CACNA1E: variants seen among roughly 807,000 people sequenced by gnomAD.
CACNA1E encodes voltage-dependent R-type calcium channel subunit alpha-1E.
A neutral mutation model predicts 259.2 loss-of-function variants in CACNA1E; 40 were observed. The ratio of observed to expected loss-of-function variants is 0.15; its 90% CI spans 0.12 to 0.20. The LOEUF is 0.20. CACNA1E is among the 10% of genes least tolerant of loss of function. The pLI is 1.00. For missense variants in CACNA1E, 1,874 were observed against 3,040.1 expected (o/e 0.62, Z 9.02); for synonymous variants, 1,104 against 1,138.5 (o/e 0.97, Z 0.61).
At chr1:181,743,952 G>A (rs1035404112) in intron 25 of CACNA1E, among the ~76,000 whole-genome samples, 11 of 152,342 alleles carry the variant, frequency 7.2e-5, no homozygotes, top group African/African-American at 2.6e-4. Context: ...AGGCTCTCTG[G>A]CGGCTGACGC....
chr1:181,496,915 A>G (rs193044902), intron 1 of CACNA1E, among the ~76,000 whole-genome samples: 155 of 152,284 alleles, frequency 1.0e-3, no homozygotes, highest in Non-Finnish European at 1.6e-3. Context: ...GTGTTCTTCT[A>G]GTCTGTTGAT....
intron 3 of CACNA1E, among the ~76,000 whole-genome samples, chr1:181,568,911 C>CAA (rs1558136611): frequency 3.9e-5 from 6 of 152,140 alleles, no homozygotes; most frequent in African/African-American, 1.4e-4. Flanking sequence ...TGGCCCTCTT[C>CAA]GGACTCCTTA....
intron 1 of CACNA1E, among the ~76,000 whole-genome samples, chr1:181,398,289 C>T (rs1055277750): frequency 6.6e-6 from 1 of 152,134 alleles, no homozygotes; most frequent in Non-Finnish European, 1.5e-5. Flanking sequence ...ACAAACAAGG[C>T]AAAACAAAAT....
intron 1 of CACNA1E, among the ~76,000 whole-genome samples, chr1:181,381,940 C>T (rs1435015098): frequency 6.6e-6 from 1 of 152,084 alleles, no homozygotes; most frequent in Non-Finnish European, 1.5e-5. Flanking sequence ...ACTACAGCTG[C>T]AGAGAGGTGA....
At chr1:181,319,757 T>C (rs560731987) in intron 1 of CACNA1E, among the ~76,000 whole-genome samples, 2 of 152,326 alleles carry the variant, frequency 1.3e-5, no homozygotes, top group South Asian at 4.1e-4. Flanking sequence ...TGACTGTATT[T>C]ATGCTAGGTT....
chr1:181,745,775 G>C (rs1558338050), intron 25 of CACNA1E, among the ~76,000 whole-genome samples: 1 of 152,272 alleles, frequency 6.6e-6, no homozygotes, highest in Middle Eastern at 3.4e-3. Context: ...AGCAGATGAG[G>C]TGTCTTTGGG....
intron 6 of CACNA1E, among the ~76,000 whole-genome samples, chr1:181,641,888 ATT>A (rs1657816141): frequency 6.6e-6 from 1 of 151,282 alleles, no homozygotes; most frequent in Non-Finnish European, 1.5e-5. Flanking sequence ...TAATTTTTGT[ATT>A]TTTAGTAGAG....
At chr1:181,564,383 C>G (rs1249584992) in intron 3 of CACNA1E, among the ~76,000 whole-genome samples, 1 of 152,172 alleles carries the variant, frequency 6.6e-6, no homozygotes, top group Non-Finnish European at 1.5e-5. Context: ...AAACTACTTT[C>G]TTTGCTTATT....
chr1:181,568,509 G>T (rs1650072324), intron 3 of CACNA1E, among the ~76,000 whole-genome samples: 1 of 152,154 alleles, frequency 6.6e-6, no homozygotes, highest in Non-Finnish European at 1.5e-5. Flanking sequence ...TTTGAACACT[G>T]CCAGGCTTGG....
rs767612355 is a variant in CACNA1E at position 181,772,234 on chromosome 1, G to A, written c.5139+3G>A. 1 of 1,612,362 alleles carries A rather than the reference G, an allele frequency of 6.2e-7. No homozygotes were observed. The highest frequency in any genetic ancestry group is 8.5e-7 in the Non-Finnish European group (1 of 1,178,986). ...TCATCTTCTTCTGCTCCTTCTTGGTGAGCAACATTGTGCTTTTGCCTTGCT... is the reference window on the plus strand; with the variant it reads ...TCATCTTCTTCTGCTCCTTCTTGGTAAGCAACATTGTGCTTTTGCCTTGCT... On this transcript the variant is annotated splice_donor_region_variant and intron_variant, in intron 37 of 47. Transcript: ENST00000367573.
At chr1:181,770,313 G>C (rs778150474) in intron 35 of CACNA1E, among the ~76,000 whole-genome samples, 5 of 152,196 alleles carry the variant, frequency 3.3e-5, no homozygotes, top group African/African-American at 4.8e-5. Context: ...GTTGGGGAAG[G>C]AGGGTGCATG....
chr1:181,582,720 G>A (rs950587679), intron 6 of CACNA1E, among the ~76,000 whole-genome samples: 2 of 152,012 alleles, frequency 1.3e-5, no homozygotes, highest in Non-Finnish European at 2.9e-5. Context: ...ACTGTCCTAG[G>A]CACTAGGGAA....
chr1:181,352,598 C>G (rs560712847), intron 1 of CACNA1E, among the ~76,000 whole-genome samples: 1 of 152,318 alleles, frequency 6.6e-6, no homozygotes, highest in East Asian at 1.9e-4. Flanking sequence ...GCATTGGTCT[C>G]TCTCTTCACC....
At chr1:181,524,324 A>G (rs1667198932) in intron 3 of CACNA1E, among the ~76,000 whole-genome samples, 1 of 152,212 alleles carries the variant, frequency 6.6e-6, no homozygotes, top group African/African-American at 2.4e-5. Flanking sequence ...AGAGCAATCT[A>G]ATTGGAATAG....
At chr1:181,795,788 T>TATATATATATATATATATATATATATATA (rs1661754913) in intron 46 of CACNA1E, among the ~76,000 whole-genome samples, 1 of 83,382 alleles carries the variant, frequency 1.2e-5, no homozygotes, top group African/African-American at 4.5e-5. Flanking sequence ...ATATATATAT[T>TATATATATATATATATATATATATATATA]AGTCTGGCTC....
intron 2 of CACNA1E, among the ~76,000 whole-genome samples, chr1:181,425,468 G>A (rs949912062): frequency 6.6e-6 from 1 of 151,390 alleles, no homozygotes. Flanking sequence ...AACATAATTG[G>A]AGGAATTCGC....
intron 7 of CACNA1E, among the ~76,000 whole-genome samples, chr1:181,688,520 C>A (rs1650810902): frequency 6.6e-6 from 1 of 152,136 alleles, no homozygotes; most frequent in African/African-American, 2.4e-5. Flanking sequence ...TTCCCCTATC[C>A]TTTTTAAGTT....
intron 32 of CACNA1E, among the ~76,000 whole-genome samples, chr1:181,760,559 G>T (rs1464836542): frequency 6.6e-6 from 1 of 152,148 alleles, no homozygotes; most frequent in African/African-American, 2.4e-5. Context: ...GAATAAAAAG[G>T]GAAGGGAAAA....
At chr1:181,425,848 T>C (rs1181020445) in intron 2 of CACNA1E, among the ~76,000 whole-genome samples, 3 of 152,040 alleles carry the variant, frequency 2.0e-5, no homozygotes, top group African/African-American at 7.3e-5. Flanking sequence ...GGAAGAGGGC[T>C]TGTCCCCCTT....
Sources: gnomAD v4.1 joint callset for allele counts (sites outside exome capture counted in the v4.1 genomes callset) on GRCh38, gnomAD v4.1.1 for gene constraint, MANE v1.5 for transcripts, NCBI Gene and HGNC (gene_info 2026-07-23, HGNC 2026-07-21) for gene names.